PLXNA2: variants seen among roughly 807,000 people sequenced by gnomAD.
The protein encoded by PLXNA2 is plexin-A2.
In PLXNA2, 91 loss-of-function variants were observed where a neutral mutation model predicts 193.5. The observed-to-expected ratio is 0.47, with a 90% CI of 0.40 to 0.56. The LOEUF (loss-of-function observed/expected upper bound fraction) is 0.56. Ranked by LOEUF, PLXNA2 falls within the 20% of genes least tolerant of loss-of-function variation. PLXNA2 has a pLI of 0.00. For synonymous variants in PLXNA2, 997 were observed against 1,027.3 expected, an observed-to-expected ratio of 0.97 and a Z score of 0.56; for missense variants, 1,995 against 2,503.2, an observed-to-expected ratio of 0.80 and a Z score of 4.33.
At chr1:208,240,628 G>T (rs1052517620) in intron 1 of PLXNA2, among the ~76,000 whole-genome samples, 2 of 151,926 alleles carry the variant, frequency 1.3e-5, no homozygotes, top group African/African-American at 4.8e-5. Flanking sequence ...GCTGAGGGGG[G>T]AACGCACACG....
intron 14 of PLXNA2, among the ~76,000 whole-genome samples, chr1:208,054,012 G>A (rs1037021016): frequency 1.3e-5 from 2 of 152,104 alleles, no homozygotes; most frequent in Non-Finnish European, 2.9e-5. Context: ...CAAAGCATGC[G>A]GATAAATATA....
chr1:208,147,930 G>A (rs1285022408), intron 3 of PLXNA2, among the ~76,000 whole-genome samples: 1 of 152,138 alleles, frequency 6.6e-6, no homozygotes, highest in Non-Finnish European at 1.5e-5. Context: ...GCCTTACCTG[G>A]GGGATAAAAC....
At chr1:208,073,578 T>A (rs1362857497) in intron 12 of PLXNA2, among the ~76,000 whole-genome samples, 1 of 152,204 alleles carries the variant, frequency 6.6e-6, no homozygotes, top group Non-Finnish European at 1.5e-5. Flanking sequence ...AATGGTGGCA[T>A]CTCCCCCCTC....
chr1:208,105,555 G>GCCA (rs951039629), intron 4 of PLXNA2, among the ~76,000 whole-genome samples: 8 of 152,064 alleles, frequency 5.3e-5, no homozygotes, highest in East Asian at 1.9e-4. Context: ...ATAACATGCA[G>GCCA]CCACCACCAC....
At chr1:208,058,613 G>A (rs894421533) in intron 13 of PLXNA2, among the ~76,000 whole-genome samples, 3 of 152,130 alleles carry the variant, frequency 2.0e-5, no homozygotes, top group Admixed American at 6.5e-5. Flanking sequence ...TGCATCCAGC[G>A]AGGCATGGGG....
At position 208,039,663 on chromosome 1, in the gene PLXNA2, G is replaced by A. The variant is rs776958110; in HGVS notation, c.4458C>T (p.Ser1486=). ...AITGEARYSL[S]EDKLIRQQIE... Reference sequence around the variant, plus strand: ...TCTGCTGCCGGATGAGCTTGTCCTCGCTCAGGGAGTAGCGGGCCTCGCCCG... The same window carrying A: ...TCTGCTGCCGGATGAGCTTGTCCTCACTCAGGGAGTAGCGGGCCTCGCCCG... The change falls in exon 24 of 32, where the codon AGC becomes AGT. Residue 1486 remains serine (S), a synonymous_variant. Transcript: ENST00000367033. The A allele has an allele frequency of 2.8e-5, 45 of 1,614,050 alleles. No homozygotes were observed. Among genetic ancestry groups the A allele is most frequent in the Admixed American group, 6.7e-5 (4 of 60,006 alleles).
intron 3 of PLXNA2, among the ~76,000 whole-genome samples, chr1:208,168,422 T>C (rs1230098513): frequency 6.6e-6 from 1 of 152,168 alleles, no homozygotes; most frequent in Non-Finnish European, 1.5e-5. Flanking sequence ...TCCTAACATC[T>C]AGGAGGGTGA....
chr1:208,154,430 A>C (rs912910177), intron 3 of PLXNA2, among the ~76,000 whole-genome samples: 1 of 152,130 alleles, frequency 6.6e-6, no homozygotes, highest in Non-Finnish European at 1.5e-5. Context: ...GGCCCCTGAG[A>C]AGTTGGCACT....
chr1:208,071,467 C>T (rs1331258821), intron 12 of PLXNA2, among the ~76,000 whole-genome samples: 1 of 152,228 alleles, frequency 6.6e-6, no homozygotes, highest in Non-Finnish European at 1.5e-5. Flanking sequence ...CACCTGGATG[C>T]TGGGTCTGAG....
chr1:208,204,581 A>G (rs540984382), intron 3 of PLXNA2, among the ~76,000 whole-genome samples: 2 of 152,064 alleles, frequency 1.3e-5, no homozygotes, highest in South Asian at 4.2e-4. Context: ...TTCGCAACCA[A>G]CCACATCAAC....
chr1:208,208,841 C>T lies in PLXNA2; in HGVS notation c.1371+1439G>A, dbSNP rs149573805. On this transcript the variant is annotated intron_variant, in intron 3 of 31. Coordinates refer to ENST00000367033, the MANE Select transcript of PLXNA2 (RefSeq NM_025179.4). ...GCTGGATTTCAACTCCCACTAGGCC[C>T]GTTAACACAATCCTCCTAGGCCAGG... Among the ~76,000 whole-genome samples, 403 of 152,264 alleles carry T rather than the reference C, an allele frequency of 2.6e-3. 1 individual carries two copies. Among genetic ancestry groups the T allele is most frequent in the African/African-American group, 8.8e-3 (366 of 41,554 alleles).
intron 3 of PLXNA2, among the ~76,000 whole-genome samples, chr1:208,190,678 GAA>G (rs1670151197): frequency 6.6e-6 from 1 of 152,212 alleles, no homozygotes. Context: ...ACATAGCAAT[GAA>G]AAGACATCGC....
rs192218501 is a variant in PLXNA2 at position 208,075,833 on chromosome 1, C to T, written c.2586+3427G>A. 2.0e-3 allele frequency among the ~76,000 whole-genome samples: 301 copies of T among 152,016 alleles called. 3 individuals are homozygous for T. Among genetic ancestry groups the T allele is most frequent in the Admixed American group, 0.015 (228 of 15,268 alleles). On this transcript the variant is annotated intron_variant, in intron 12 of 31. Transcript: ENST00000367033. ...CAGCACTTTGGGAGGCCAAGGTGGG[C>T]GGATCACTTGAGGTCAGGAGTTTGA...
At chr1:208,199,875 T>C (rs1369112068) in intron 3 of PLXNA2, among the ~76,000 whole-genome samples, 2 of 152,178 alleles carry the variant, frequency 1.3e-5, no homozygotes, top group African/African-American at 2.4e-5. Flanking sequence ...GCATCTTACT[T>C]GTCCAAAGTC....
chr1:208,105,465 C>A (rs1667239772), intron 4 of PLXNA2, among the ~76,000 whole-genome samples: 1 of 152,198 alleles, frequency 6.6e-6, no homozygotes, highest in South Asian at 2.1e-4. Flanking sequence ...GACATTCCAG[C>A]CTTCTATTTC....
At chr1:208,130,091 A>G (rs560527160) in intron 4 of PLXNA2, among the ~76,000 whole-genome samples, 1 of 152,254 alleles carries the variant, frequency 6.6e-6, no homozygotes, top group East Asian at 1.9e-4. Flanking sequence ...CAAGGTGGGG[A>G]CCAGTCATAA....
At chr1:208,177,730 C>T (rs1325469526) in intron 3 of PLXNA2, among the ~76,000 whole-genome samples, 1 of 152,246 alleles carries the variant, frequency 6.6e-6, no homozygotes, top group South Asian at 2.1e-4. Context: ...TGGTTCTCAA[C>T]CGTGGTCCCC....
Position 208,028,603 on chromosome 1 carries a change from A to T in PLXNA2, c.5438+227T>A, listed in dbSNP as rs148809536. Among the ~76,000 whole-genome samples the T allele has an allele frequency of 2.6e-5, 4 of 152,346 alleles. No homozygotes were observed. The highest frequency in any genetic ancestry group is 9.6e-5 in the African/African-American group (4 of 41,580). ...ACACAAAATCTTTATCAGAATGCTG[A>T]ATGCTTAGCACATGCTCAATGAATA... On this transcript the variant is annotated intron_variant, in intron 30 of 31. Transcript: ENST00000367033. This position sits in a 1 kb window ranked among gnomAD's most constrained non-coding sequence, Gnocchi z 4.2.
intron 4 of PLXNA2, among the ~76,000 whole-genome samples, chr1:208,109,670 G>A (rs893503633): frequency 6.6e-6 from 1 of 152,240 alleles, no homozygotes; most frequent in African/African-American, 2.4e-5. Flanking sequence ...CTTGCAGTGA[G>A]TGGCAAAGTG....
Sources: gnomAD v4.1 joint callset for allele counts (sites outside exome capture counted in the v4.1 genomes callset) on GRCh38, gnomAD v4.1.1 for gene constraint, Gnocchi (gnomAD v3.1) non-coding constraint, MANE v1.5 for transcripts, NCBI Gene and HGNC (gene_info 2026-07-23, HGNC 2026-07-21) for gene names.